The following WDR47 variants were observed in gnomAD, a reference collection of about 807,000 sequenced individuals.
WDR47 encodes the protein WD repeat-containing protein 47.
In WDR47, 32 loss-of-function variants were observed where a neutral mutation model predicts 97.2. That is an observed-to-expected ratio of 0.33 (90% CI 0.25 to 0.44). WDR47 has a LOEUF of 0.44. Ranked by LOEUF, WDR47 falls within the 20% of genes least tolerant of loss-of-function variation. WDR47 has a pLI of 1.00. For missense variants in WDR47, 782 were observed against 1,102.3 expected, an observed-to-expected ratio of 0.71 and a Z score of 4.11; for synonymous variants, 375 against 373.5, an observed-to-expected ratio of 1.00 and a Z score of -0.05.
At chr1:109,015,060 A>AT (rs1334281130) in intron 3 of WDR47, among the ~76,000 whole-genome samples, 1 of 152,158 alleles carries the variant, frequency 6.6e-6, no homozygotes, top group Non-Finnish European at 1.5e-5. Flanking sequence ...AAAAAAAGAC[A>AT]TAACAACTGA....
At chr1:109,024,367 C>T (rs898423855) in intron 1 of WDR47, among the ~76,000 whole-genome samples, 3 of 151,894 alleles carry the variant, frequency 2.0e-5, no homozygotes, top group Non-Finnish European at 2.9e-5. Context: ...GTGGGAGGAT[C>T]GCTTGAGCCC....
At chr1:108,975,913 G>C (rs1657853236) in intron 13 of WDR47, among the ~76,000 whole-genome samples, 1 of 152,238 alleles carries the variant, frequency 6.6e-6, no homozygotes, top group African/African-American at 2.4e-5. Context: ...ATGAGAAAAG[G>C]TTTAGAGGAA....
intron 10 of WDR47, among the ~76,000 whole-genome samples, 172 bp from the exon 11 acceptor site, chr1:108,983,623 C>T (rs1187985741): frequency 6.6e-6 from 1 of 151,576 alleles, no homozygotes; most frequent in Admixed American, 6.6e-5. Flanking sequence ...ACTTAAAACC[C>T]AAAAAGTAAA....
chr1:108,988,766 T>G (rs1353833122), intron 9 of WDR47, among the ~76,000 whole-genome samples: 1 of 150,196 alleles, frequency 6.7e-6, no homozygotes, highest in Non-Finnish European at 1.5e-5. Flanking sequence ...CATTTCTACT[T>G]TTTTTTTTTG....
At chr1:109,021,753 C>T (rs925400874) in intron 2 of WDR47, among the ~76,000 whole-genome samples, 1 of 151,908 alleles carries the variant, frequency 6.6e-6, no homozygotes, top group African/African-American at 2.4e-5. Context: ...TCTCGAACTC[C>T]TAACCTTAAG....
At chr1:108,977,916 G>A (rs567275266) in intron 13 of WDR47, among the ~76,000 whole-genome samples, 11 of 151,322 alleles carry the variant, frequency 7.3e-5, no homozygotes, top group East Asian at 2.0e-4. Context: ...CCTGGGAGAC[G>A]GAAGTTGCAG....
At chr1:108,982,487 G>T in intron 12 of WDR47, 122 bp downstream of exon 12, 1 of 1,163,804 alleles carries the variant, frequency 8.6e-7, no homozygotes, top group Non-Finnish European at 1.2e-6. Context: ...AGCTGTGATT[G>T]TGCCACTGCA....
chr1:108,990,001 T>A (rs1659192717), intron 9 of WDR47, among the ~76,000 whole-genome samples: 1 of 152,054 alleles, frequency 6.6e-6, no homozygotes, highest in South Asian at 2.1e-4. Context: ...AGCCTTAAAA[T>A]TTTTTTAAAT....
At chr1:109,033,443 T>G (rs1460806680) in intron 1 of WDR47, among the ~76,000 whole-genome samples, 1 of 152,158 alleles carries the variant, frequency 6.6e-6, no homozygotes, top group Non-Finnish European at 1.5e-5. Context: ...ACCAATATAT[T>G]TGTGAAAAGA....
chr1:108,981,085 G>A (rs996755346), intron 13 of WDR47, among the ~76,000 whole-genome samples: 6 of 150,234 alleles, frequency 4.0e-5, no homozygotes, highest in Non-Finnish European at 7.4e-5. Flanking sequence ...CCAAGATCAC[G>A]CCACTGCACT....
At chr1:108,997,413 AGT>A (rs1453408763) in intron 7 of WDR47, among the ~76,000 whole-genome samples, 4 of 151,356 alleles carry the variant, frequency 2.6e-5, no homozygotes. Context: ...TGGGCAACAA[AGT>A]GAGATCCCAT....
intron 1 of WDR47, among the ~76,000 whole-genome samples, chr1:109,033,832 T>C (rs546479474): frequency 1.3e-5 from 2 of 152,264 alleles, no homozygotes; most frequent in South Asian, 2.1e-4. Flanking sequence ...GGCAGGAGAA[T>C]TGCTTGAACC....
At chr1:108,975,029 A>C (rs1189451924) in intron 13 of WDR47, among the ~76,000 whole-genome samples, 2 of 151,834 alleles carry the variant, frequency 1.3e-5, no homozygotes, top group Non-Finnish European at 2.9e-5. Context: ...GCAATAGATG[A>C]GCCATGCTAC....
At chr1:109,033,533 C>T (rs948836587) in intron 1 of WDR47, among the ~76,000 whole-genome samples, 5 of 152,176 alleles carry the variant, frequency 3.3e-5, no homozygotes, top group African/African-American at 9.7e-5. Flanking sequence ...TACCCATTTA[C>T]GGCCTACCAG....
rs1372707645 is a variant in WDR47 at position 108,978,299 on chromosome 1, C to A, written c.2398+3434G>T. On this transcript the variant is annotated intron_variant, in intron 13 of 14. Coordinates refer to ENST00000369962, the MANE Select transcript of WDR47 (RefSeq NM_001142551.2). Reference sequence around the variant, plus strand: ...GACCATCCTGGCTAACATGGTGAAACCCCGTCTCTACTAAAAAATATACAA... The same window carrying A: ...GACCATCCTGGCTAACATGGTGAAAACCCGTCTCTACTAAAAAATATACAA... Among the ~76,000 whole-genome samples, 6 of 151,742 alleles carry A rather than the reference C, an allele frequency of 4.0e-5. No individual in the cohort carries two copies. The South Asian group carries it at 1.0e-3, about 26-fold the overall frequency.
chr1:109,008,957 C>T lies in WDR47; in HGVS notation c.1130+1959G>A, dbSNP rs568752534. ...ATTCTGGGCCGGGCGCAGTGGCGCACGCCTGTAATCCCAGCTACTCGGGAG... is the reference window on the plus strand; with the variant it reads ...ATTCTGGGCCGGGCGCAGTGGCGCATGCCTGTAATCCCAGCTACTCGGGAG... On this transcript the variant is annotated intron_variant, in intron 5 of 14. Coordinates refer to ENST00000369962, the MANE Select transcript of WDR47 (RefSeq NM_001142551.2). Among the ~76,000 whole-genome samples the T allele has an allele frequency of 1.9e-4, 29 of 152,116 alleles. No homozygotes were observed. The South Asian group carries it at 5.6e-3, about 29-fold the overall frequency.
intron 8 of WDR47, among the ~76,000 whole-genome samples, 159 bp downstream of exon 8, chr1:108,995,421 G>A (rs1178685238): frequency 6.6e-6 from 1 of 152,150 alleles, no homozygotes; most frequent in African/African-American, 2.4e-5. Flanking sequence ...TTAGAAGTTG[G>A]TAGAAGAGAA....
rs1307640296 is a variant in WDR47, at chr1:109,041,970, G to A, written c.-118C>T. The A allele has an allele frequency of 6.6e-6, 1 of 152,348 alleles. No individual in the cohort carries two copies. The highest frequency in any genetic ancestry group is 2.4e-5 in the African/African-American group (1 of 41,466). The allele number at this position is 152,348 out of a possible 1,614,324, so 9.4% of individuals were successfully genotyped here. A position where few individuals can be genotyped will look rare whatever the true frequency, so the allele number is the denominator to read the frequency against. On this transcript the variant is annotated 5_prime_UTR_variant, in exon 1 of 15. Transcript: ENST00000369962. ...CTCCGGGCTGCGGCAGGAGCACGAC[G>A]GCGGCGGTCTGGGTTTGGCGTCGGT...
Position 108,974,608 on chromosome 1 carries a change from G to C in WDR47, c.2545C>G (p.Arg849Gly), listed in dbSNP as rs568198706. The C allele has an allele frequency of 6.2e-7, 1 of 1,613,910 alleles. No homozygotes were observed. Among genetic ancestry groups the C allele is most frequent in the African/African-American group, 1.3e-5 (1 of 74,870 alleles). Residue 849 changes from arginine (R) to glycine (G), a missense_variant, in exon 14 of 15, where the codon CGA (arginine) becomes GGA (glycine). Physicochemically the swap from Arg to Gly is moderately radical, Grantham distance 125. This residue lies in a region of WDR47 where 228 missense variants were observed against 396.7 expected (regional missense o/e 0.57). Transcript: ENST00000369962. ...HPHSSDVRSV[R>G]FSPGAHYLLT... is the part of the protein sequence containing the mutation. ...AAGTAGTGAGCTCCAGGGGAGAATC[G>C]AACAGAGCGAACATCACTGGAATGA...
Sources: gnomAD v4.1 joint callset for allele counts (sites outside exome capture counted in the v4.1 genomes callset) on GRCh38, gnomAD v4.1.1 for gene constraint, gnomAD v4.1.1 regional missense constraint, MANE v1.5 for transcripts, NCBI Gene and HGNC (gene_info 2026-07-23, HGNC 2026-07-21) for gene names.